Variants in MTHFD2L observed in about 807,000 individuals in gnomAD.
MTHFD2L encodes the protein methylenetetrahydrofolate dehydrogenase (NADP+ dependent) 2 like.
A neutral mutation model predicts 34.9 loss-of-function variants in MTHFD2L; 29 were observed. The ratio of observed to expected loss-of-function variants is 0.83; its 90% CI spans 0.62 to 1.13. The LOEUF (loss-of-function observed/expected upper bound fraction) is 1.13, where lower values mean the gene tolerates loss of function less well. Among genes scored for constraint, MTHFD2L ranks in the 50% most tolerant of loss-of-function variants. The pLI, the probability that MTHFD2L is intolerant of heterozygous loss-of-function variation, is 0.00. For missense variants in MTHFD2L, 481 were observed against 446.5 expected (o/e 1.08, Z -0.70); for synonymous variants, 167 against 155.7 (o/e 1.07, Z -0.54).
At chr4:74,251,469 C>T (rs1253608653) in intron 6 of MTHFD2L, among the ~76,000 whole-genome samples, 1 of 152,184 alleles carries the variant, frequency 6.6e-6, no homozygotes, top group East Asian at 1.9e-4. Context: ...CTCTAATTAT[C>T]CCAAACTCTT....
At chr4:74,128,588 C>A (rs1231619424) in intron 1 of MTHFD2L, among the ~76,000 whole-genome samples, 1 of 152,026 alleles carries the variant, frequency 6.6e-6, no homozygotes, top group African/African-American at 2.4e-5. Flanking sequence ...GTCTGTTTTT[C>A]TACCAACCAT....
At chr4:74,115,021 C>T (rs907025533) in intron 2 of MTHFD2L, among the ~76,000 whole-genome samples, 4 of 152,160 alleles carry the variant, frequency 2.6e-5, no homozygotes, top group Non-Finnish European at 4.4e-5. Context: ...CAGGCAGCTG[C>T]CCTTGCCCAG....
chr4:74,173,365 T>C (rs563627830), intron 1 of MTHFD2L, among the ~76,000 whole-genome samples: 1 of 152,300 alleles, frequency 6.6e-6, no homozygotes, highest in East Asian at 1.9e-4. Flanking sequence ...GAAATACTTA[T>C]AAACTGCCAG....
chr4:74,152,090 T>C (rs1422619141), intron 1 of MTHFD2L, among the ~76,000 whole-genome samples: 12 of 152,180 alleles, frequency 7.9e-5, no homozygotes, highest in Admixed American at 6.5e-4. Context: ...TTTCCTTTTA[T>C]AATACCATCA....
intron 1 of MTHFD2L, chr4:74,158,498 C>G (rs1477498476): frequency 5.9e-6 from 1 of 169,812 alleles, no homozygotes; most frequent in East Asian, 1.8e-4. Flanking sequence ...CTGCTCTGGG[C>G]TCTCGCACCA....
intron 6 of MTHFD2L, among the ~76,000 whole-genome samples, chr4:74,253,051 T>C (rs1743529024): frequency 6.6e-6 from 1 of 152,144 alleles, no homozygotes; most frequent in African/African-American, 2.4e-5. Context: ...TAGAAGATGA[T>C]AGAGTAATAG....
chr4:74,221,211 TA>T (rs1738126119), intron 5 of MTHFD2L, among the ~76,000 whole-genome samples: 1 of 147,092 alleles, frequency 6.8e-6, no homozygotes, highest in African/African-American at 2.7e-5. Flanking sequence ...TTTTTGGTAT[TA>T]ATTAAAATTT....
At chr4:74,180,697 A>G (rs1404837632) in intron 3 of MTHFD2L, 4 of 455,030 alleles carry the variant, frequency 8.8e-6, no homozygotes, top group African/African-American at 6.0e-5. Flanking sequence ...AAGCTGTGCA[A>G]CTTTGTTCAG....
At chr4:74,138,260 AAGTATCAAATATTCC>A (rs1377315894) in intron 1 of MTHFD2L, among the ~76,000 whole-genome samples, 1 of 152,126 alleles carries the variant, frequency 6.6e-6, no homozygotes, top group Non-Finnish European at 1.5e-5. Flanking sequence ...CTTTGCATTG[AAGTATCAAATATTCC>A]AGTCTTCTCT....
intron 1 of MTHFD2L, among the ~76,000 whole-genome samples, chr4:74,169,680 AT>A (rs1727490066): frequency 6.6e-6 from 1 of 152,184 alleles, no homozygotes. Flanking sequence ...TTGTGCTGGA[AT>A]TTGTTGCTGT....
At chr4:74,117,192 A>G (rs1300628505) in intron 2 of MTHFD2L, among the ~76,000 whole-genome samples, 1 of 152,230 alleles carries the variant, frequency 6.6e-6, no homozygotes, top group Non-Finnish European at 1.5e-5. Context: ...TCTAGGAAAC[A>G]GTGAGTCATG....
chr4:74,271,170 G>A (rs1200106638), intron 6 of MTHFD2L, among the ~76,000 whole-genome samples: 1 of 152,156 alleles, frequency 6.6e-6, no homozygotes, highest in East Asian at 1.9e-4. Context: ...AAGCTCTTTA[G>A]TTTAATTAGA....
chr4:74,248,545 CT>C (rs1742825184), intron 6 of MTHFD2L, among the ~76,000 whole-genome samples: 1 of 147,964 alleles, frequency 6.8e-6, no homozygotes, highest in Non-Finnish European at 1.5e-5. Context: ...TTTGCTCTTG[CT>C]TTTCTAGTTC....
In MTHFD2L at chr4:74,267,783, C is replaced by G. The variant is rs1745498995; in HGVS notation, c.806-13642C>G. ...AAGCACACATTTGGACCCCACAGGTCCATTGACTTTGCAGAAATATGGTCC... is the reference window on the plus strand; with the variant it reads ...AAGCACACATTTGGACCCCACAGGTGCATTGACTTTGCAGAAATATGGTCC... On this transcript the variant is annotated intron_variant, in intron 6 of 7. Coordinates refer to ENST00000325278, the MANE Select transcript of MTHFD2L (RefSeq NM_001144978.3). 2.3e-5 allele frequency: 23 copies of G among 985,190 alleles called. No individual in the cohort carries two copies. The South Asian group carries it at 1.1e-3, about 46-fold the overall frequency. 61.0% of individuals were successfully genotyped at this position (985,190 alleles called of 1,614,324 possible).
At chr4:74,266,729 G>T in intron 6 of MTHFD2L, 1 of 364,546 alleles carries the variant, frequency 2.7e-6, no homozygotes, top group Non-Finnish European at 3.8e-6. Context: ...AAGCTAAGAA[G>T]TAAGGTCTCC....
intron 3 of MTHFD2L, among the ~76,000 whole-genome samples, chr4:74,185,123 G>C (rs1730916609): frequency 7.9e-6 from 1 of 125,964 alleles, no homozygotes; most frequent in Admixed American, 9.9e-5. Context: ...CTGCACTCTA[G>C]CCTGGGCGAC....
At chr4:74,191,132 C>T (rs1732400091) in intron 3 of MTHFD2L, among the ~76,000 whole-genome samples, 1 of 152,126 alleles carries the variant, frequency 6.6e-6, no homozygotes, top group South Asian at 2.1e-4. Context: ...AACTTCTAAC[C>T]CCAGGTGATC....
intron 7 of MTHFD2L, among the ~76,000 whole-genome samples, chr4:74,289,333 G>C (rs1489642000): frequency 6.6e-6 from 1 of 152,166 alleles, no homozygotes; most frequent in Non-Finnish European, 1.5e-5. Context: ...TTCCAGGCAA[G>C]TGGAGCAGCA....
chr4:74,300,286 C>T (rs1235885336), intron 7 of MTHFD2L, among the ~76,000 whole-genome samples: 2 of 151,838 alleles, frequency 1.3e-5, no homozygotes, highest in Non-Finnish European at 2.9e-5. Context: ...CTTACTGGAC[C>T]TTTCTTCAAG....
Sources: allele counts gnomAD v4.1 joint callset (sites outside exome capture counted in the v4.1 genomes callset), GRCh38; gene constraint gnomAD v4.1.1; transcripts MANE v1.5; gene names NCBI Gene and HGNC (gene_info 2026-07-23, HGNC 2026-07-21).